Variants in NAV2 observed in about 807,000 individuals in gnomAD.
NAV2 encodes the protein neuron navigator 2, also known as helicase, APC down-regulated 1.
In NAV2, 54 loss-of-function variants were observed where a neutral mutation model predicts 223.2. The observed-to-expected ratio is 0.24, with a 90% CI of 0.19 to 0.30. The LOEUF (loss-of-function observed/expected upper bound fraction) is 0.30. NAV2 is among the 10% of genes least tolerant of loss of function. The pLI, the probability that NAV2 is intolerant of heterozygous loss-of-function variation, is 1.00. For missense variants in NAV2, 2,806 were observed against 3,147.5 expected (o/e 0.89, Z 2.60); for synonymous variants, 1,279 against 1,239.3 (o/e 1.03, Z -0.67).
At chr11:19,459,918 G>A (rs1238891423) in intron 1 of NAV2, among the ~76,000 whole-genome samples, 1 of 152,164 alleles carries the variant, frequency 6.6e-6, no homozygotes, top group African/African-American at 2.4e-5. Context: ...GATTGCAAGT[G>A]GGGAGAAGAT....
intron 1 of NAV2, among the ~76,000 whole-genome samples, chr11:19,804,274 G>T (rs1242463747): frequency 6.6e-6 from 1 of 152,196 alleles, no homozygotes; most frequent in African/African-American, 2.4e-5. Context: ...CGTATGTCTA[G>T]TTATTTAGGA....
chr11:19,951,854 A>T (rs972001984), intron 10 of NAV2, among the ~76,000 whole-genome samples: 1 of 152,040 alleles, frequency 6.6e-6, no homozygotes, highest in African/African-American at 2.4e-5. Context: ...AAGTGTAGAT[A>T]AAAAGTTCAG....
chr11:19,999,359 T>C (rs773978779), intron 11 of NAV2, among the ~76,000 whole-genome samples: 2 of 152,214 alleles, frequency 1.3e-5, no homozygotes, highest in Non-Finnish European at 2.9e-5. Flanking sequence ...CAGTCTATTA[T>C]TGCTTTGGGA....
chr11:19,859,164 A>ATTTTTT (rs2061548963), intron 3 of NAV2, among the ~76,000 whole-genome samples: 4 of 68,720 alleles, frequency 5.8e-5, no homozygotes, highest in African/African-American at 1.1e-4. Context: ...TTTTTTATTG[A>ATTTTTT]TCATTCTTGG....
chr11:20,001,609 A>AG (rs35839370), intron 11 of NAV2, among the ~76,000 whole-genome samples: 3 of 148,934 alleles, frequency 2.0e-5, no homozygotes, highest in African/African-American at 4.9e-5. Flanking sequence ...AGTAAACATC[A>AG]GGGCAAGCCA....
At chr11:19,461,631 A>C (rs1852164888) in intron 1 of NAV2, among the ~76,000 whole-genome samples, 1 of 152,214 alleles carries the variant, frequency 6.6e-6, no homozygotes, top group South Asian at 2.1e-4. Context: ...GGGACCGTTT[A>C]GATCATGTTT....
rs574649462 is a variant in NAV2, at chr11:19,429,372, C to T, written c.75+78345C>T. On this transcript the variant is annotated intron_variant, in intron 1 of 37. Coordinates refer to the NAV2 transcript ENST00000360655. ...TCAATAAAGCCTCACTGGGCTATTA[C>T]GGGAGTGTCCATACACTTCATAGAA... 6.7e-4 allele frequency among the ~76,000 whole-genome samples: 102 copies of T among 152,344 alleles called. 1 individual carries two copies. The highest frequency in any genetic ancestry group is 2.3e-3 in the African/African-American group (94 of 41,588).
chr11:19,431,587 C>T (rs552341133), intron 1 of NAV2, among the ~76,000 whole-genome samples: 16 of 152,338 alleles, frequency 1.1e-4, no homozygotes, highest in African/African-American at 3.6e-4. Flanking sequence ...CTGACCCCAT[C>T]CTTCTTGGTC....
At chr11:20,076,628 A>G (rs2059771920) in intron 22 of NAV2, among the ~76,000 whole-genome samples, 1 of 152,206 alleles carries the variant, frequency 6.6e-6, no homozygotes, top group Non-Finnish European at 1.5e-5. Context: ...ATCAACTAAT[A>G]TATCACCTAC....
At chr11:19,761,758 A>G (rs900214138) in intron 1 of NAV2, among the ~76,000 whole-genome samples, 11 of 152,216 alleles carry the variant, frequency 7.2e-5, no homozygotes, top group African/African-American at 2.7e-4. Context: ...TTAGAGGACT[A>G]ATCCTACCCT....
intron 1 of NAV2, among the ~76,000 whole-genome samples, chr11:19,582,269 T>C (rs1479977427): frequency 6.6e-6 from 1 of 152,228 alleles, no homozygotes; most frequent in Non-Finnish European, 1.5e-5. Flanking sequence ...ATATTAGCCC[T>C]TGGTCAGATG....
intron 1 of NAV2, among the ~76,000 whole-genome samples, chr11:19,667,310 A>G (rs925158363): frequency 6.6e-6 from 1 of 152,250 alleles, no homozygotes; most frequent in African/African-American, 2.4e-5. Flanking sequence ...TCAGTAAGGC[A>G]TGGTCCTTGA....
intron 1 of NAV2, among the ~76,000 whole-genome samples, chr11:19,760,661 T>C (rs1343658693): frequency 6.6e-6 from 1 of 152,082 alleles, no homozygotes; most frequent in Non-Finnish European, 1.5e-5. Context: ...CAAAATAAAC[T>C]TTAGAGGAGT....
intron 1 of NAV2, among the ~76,000 whole-genome samples, chr11:19,528,886 T>A (rs7130158): frequency 7.5e-6 from 1 of 132,916 alleles, no homozygotes; most frequent in South Asian, 2.4e-4. Context: ...GCTGAGATCA[T>A]GCCACTGCAC....
intron 1 of NAV2, among the ~76,000 whole-genome samples, chr11:19,524,672 A>G (rs2043788891): frequency 6.6e-6 from 1 of 152,146 alleles, no homozygotes; most frequent in African/African-American, 2.4e-5. Context: ...AGACTCTTGG[A>G]AAGCTTGCAG....
At chr11:19,977,620 A>G (rs536307058) in intron 10 of NAV2, among the ~76,000 whole-genome samples, 8 of 152,206 alleles carry the variant, frequency 5.3e-5, no homozygotes, top group African/African-American at 1.9e-4. Flanking sequence ...AGTGGTTTCC[A>G]TGTGTTTCCT....
intron 5 of NAV2, among the ~76,000 whole-genome samples, chr11:19,883,321 T>C (rs867855906): frequency 3.9e-5 from 6 of 152,320 alleles, no homozygotes; most frequent in Non-Finnish European, 7.4e-5. Flanking sequence ...AAATCTTCCA[T>C]GACAGCTTCA....
chr11:19,697,000 G>A (rs981705769), intron 1 of NAV2, among the ~76,000 whole-genome samples: 9 of 152,098 alleles, frequency 5.9e-5, no homozygotes, highest in Non-Finnish European at 1.3e-4. Context: ...TCGCTTGCCC[G>A]AGGTTACACA....
At chr11:19,709,204 T>C (rs2049776859), upstream of NAV2, among the ~76,000 whole-genome samples, 1 of 152,154 alleles carries the variant, frequency 6.6e-6, no homozygotes, top group African/African-American at 2.4e-5. Context: ...TATGATAAAT[T>C]ATTTTGCTTT....
Sources: allele counts gnomAD v4.1 joint callset (sites outside exome capture counted in the v4.1 genomes callset), GRCh38; gene constraint gnomAD v4.1.1; transcripts MANE v1.5; gene names NCBI Gene and HGNC (gene_info 2026-07-23, HGNC 2026-07-21).